CALN1: variants seen among roughly 807,000 people sequenced by gnomAD.
CALN1 encodes the protein calneuron 1, also known as calcium-binding protein 8.
CALN1 carries 17 observed loss-of-function variants against 30.6 expected under a neutral mutation model. The observed-to-expected ratio is 0.56, with a 90% confidence interval of 0.38 to 0.83. CALN1 has a LOEUF of 0.83. Ranked by LOEUF, CALN1 falls within the 40% of genes least tolerant of loss-of-function variation. CALN1 has a pLI of 0.00. For missense variants in CALN1, 291 were observed against 354.9 expected (o/e 0.82, Z 1.45); for synonymous variants, 156 against 131.4 (o/e 1.19, Z -1.28).
intron 5 of CALN1, among the ~76,000 whole-genome samples, chr7:71,843,745 C>T (rs1790076421): frequency 6.6e-6 from 1 of 152,202 alleles, no homozygotes; most frequent in African/African-American, 2.4e-5. Context: ...ATTATACTTA[C>T]ACCATACTTA....
chr7:72,484,880 GT>G, the CALN1 span, among the ~76,000 whole-genome samples: 1 of 152,034 alleles, frequency 6.6e-6, no homozygotes. Flanking sequence ...TTTTGCAACT[GT>G]TTTTTATTGT....
At chr7:72,011,169 CAAAA>C (rs1478769673) in intron 5 of CALN1, among the ~76,000 whole-genome samples, 16 of 149,404 alleles carry the variant, frequency 1.1e-4, no homozygotes, top group African/African-American at 3.7e-4. Flanking sequence ...AGAAAAAAAA[CAAAA>C]AAGAAAGAAG....
the CALN1 span, among the ~76,000 whole-genome samples, chr7:72,488,142 G>A: frequency 6.6e-6 from 1 of 151,600 alleles, no homozygotes; most frequent in Non-Finnish European, 1.5e-5. Context: ...AGCCTGGGAG[G>A]ATCACTTGAG....
intron 2 of CALN1, among the ~76,000 whole-genome samples, chr7:72,349,175 A>C (rs1046051298): frequency 2.6e-5 from 4 of 152,186 alleles, no homozygotes; most frequent in African/African-American, 9.7e-5. Context: ...GGCTAAAAAA[A>C]TCTTAAAATC....
At chr7:72,496,608 G>T in the CALN1 span, among the ~76,000 whole-genome samples, 2 of 152,230 alleles carry the variant, frequency 1.3e-5, no homozygotes, top group African/African-American at 2.4e-5. Flanking sequence ...TAACAGTTGG[G>T]TTGGGTGTGG....
At chr7:71,970,013 G>C (rs1006351402) in intron 5 of CALN1, among the ~76,000 whole-genome samples, 1 of 151,934 alleles carries the variant, frequency 6.6e-6, no homozygotes, top group Non-Finnish European at 1.5e-5. Context: ...TTGGTAGAGA[G>C]AGGGTCTCAC....
chr7:72,397,618 G>T (rs1478054272), intron 2 of CALN1, among the ~76,000 whole-genome samples: 1 of 151,804 alleles, frequency 6.6e-6, no homozygotes, highest in Non-Finnish European at 1.5e-5. Flanking sequence ...TTTACACAAT[G>T]GTTAGGAACA....
chr7:72,487,733 G>GAA, the CALN1 span, among the ~76,000 whole-genome samples: 4 of 97,318 alleles, frequency 4.1e-5, no homozygotes, highest in African/African-American at 1.6e-4. Context: ...AAGAAAGAAA[G>GAA]AAAGGAAGGA....
At chr7:72,076,747 T>G (rs1473510570) in intron 4 of CALN1, among the ~76,000 whole-genome samples, 1 of 148,964 alleles carries the variant, frequency 6.7e-6, no homozygotes, top group Non-Finnish European at 1.5e-5. Context: ...CTCCTATCCT[T>G]TGGAAAATTC....
At chr7:71,896,635 A>C (rs1165913920) in intron 5 of CALN1, among the ~76,000 whole-genome samples, 2 of 152,036 alleles carry the variant, frequency 1.3e-5, no homozygotes. Flanking sequence ...CCTGCTCTTG[A>C]GTATGAAAGG....
rs1792390198 is a variant in CALN1, at chr7:71,878,646, A to C, written c.502-68154T>G. 2.0e-5 allele frequency among the ~76,000 whole-genome samples: 3 copies of C among 152,304 alleles called. No individual in the cohort carries two copies. In the South Asian group the frequency reaches 6.2e-4, roughly 32 times the overall value. ...CTGACATGAACACCACAGGTGAGTG[A>C]TATTGACCAATGTAGAGTGTGGGAG... On this transcript the variant is annotated intron_variant, in intron 5 of 6. Coordinates refer to ENST00000395275, the MANE Select transcript of CALN1 (RefSeq NM_031468.4).
At chr7:72,228,492 T>C (rs1793846706) in intron 3 of CALN1, among the ~76,000 whole-genome samples, 1 of 151,890 alleles carries the variant, frequency 6.6e-6, no homozygotes, top group African/African-American at 2.4e-5. Context: ...TTAATGCAGG[T>C]AATTTGATGG....
At chr7:72,501,370 TAAAAA>T in the CALN1 span, among the ~76,000 whole-genome samples, 20 of 42,810 alleles carry the variant, frequency 4.7e-4, no homozygotes, top group Admixed American at 1.3e-3. Context: ...ACGTCTCTAT[TAAAAA>T]AAAAAAAAAA....
chr7:72,363,270 G>A (rs79500344), intron 2 of CALN1, among the ~76,000 whole-genome samples: 42 of 152,100 alleles, frequency 2.8e-4, no homozygotes, highest in Non-Finnish European at 4.1e-4. Flanking sequence ...ACGAAGTCTC[G>A]CTCTGTTGCC....
chr7:72,382,946 G>A (rs141081375), intron 2 of CALN1, among the ~76,000 whole-genome samples: 179 of 152,172 alleles, frequency 1.2e-3, no homozygotes, highest in Middle Eastern at 6.8e-3. Flanking sequence ...ACGCCTCTAC[G>A]CCCAGCTAAT....
chr7:71,877,307 C>T (rs182015510), intron 5 of CALN1, among the ~76,000 whole-genome samples: 253 of 152,044 alleles, frequency 1.7e-3, no homozygotes, highest in Admixed American at 4.3e-3. Flanking sequence ...GGAACTAGAC[C>T]GGTGCATTTG....
chr7:72,190,930 T>C (rs1790550527), intron 3 of CALN1, among the ~76,000 whole-genome samples: 1 of 152,240 alleles, frequency 6.6e-6, no homozygotes, highest in Non-Finnish European at 1.5e-5. Flanking sequence ...ATGTTTACAT[T>C]TCCTTCATAG....
At chr7:72,300,274 A>G (rs1799162330) in intron 2 of CALN1, among the ~76,000 whole-genome samples, 1 of 152,080 alleles carries the variant, frequency 6.6e-6, no homozygotes, top group Admixed American at 6.6e-5. Flanking sequence ...TAATTTGGCC[A>G]TTCTGCATCA....
chr7:72,116,359 T>C (rs1807984232), intron 3 of CALN1, among the ~76,000 whole-genome samples: 1 of 152,168 alleles, frequency 6.6e-6, no homozygotes, highest in Non-Finnish European at 1.5e-5. Flanking sequence ...CCCTGTCTTT[T>C]TAAAAAAAGG....
Sources: allele counts gnomAD v4.1 joint callset (sites outside exome capture counted in the v4.1 genomes callset), GRCh38; gene constraint gnomAD v4.1.1; transcripts MANE v1.5; gene names NCBI Gene and HGNC (gene_info 2026-07-23, HGNC 2026-07-21).